Variants in SENP7 observed in about 807,000 individuals in gnomAD.
SENP7 encodes the protein SUMO specific peptidase 7.
SENP7 carries 64 observed loss-of-function variants against 141.2 expected under a neutral mutation model. That is an observed-to-expected ratio of 0.45 (90% CI 0.37 to 0.56). The LOEUF (loss-of-function observed/expected upper bound fraction) is 0.56. Ranked by LOEUF, SENP7 falls within the 20% of genes least tolerant of loss-of-function variation. SENP7 has a pLI of 0.00. For synonymous variants in SENP7, 382 were observed against 426.4 expected (o/e 0.90, Z 1.28); for missense variants, 1,025 against 1,212.2 (o/e 0.85, Z 2.29).
chr3:101,386,518 T>A (rs1242975208), intron 6 of SENP7, among the ~76,000 whole-genome samples: 1 of 152,118 alleles, frequency 6.6e-6, no homozygotes, highest in African/African-American at 2.4e-5. Flanking sequence ...ACAGACGACA[T>A]CATGCCCTGA....
chr3:101,467,619 A>C (rs997814186), intron 3 of SENP7, among the ~76,000 whole-genome samples: 15 of 152,224 alleles, frequency 9.9e-5, no homozygotes, highest in Non-Finnish European at 2.2e-4. Context: ...GAGGGACCTG[A>C]CTGTTAGAAG....
chr3:101,366,452 T>C lies in SENP7; in HGVS notation c.1296A>G (p.Gln432=). The part of the protein sequence containing the change: ...PILRGHNEGN[Q]SLISAEPIVV... ...TACTTGGTTCAGCTGAGATCAGTGA[T>C]TGGTTCCCTTCATTATGTCCTCTTA... is the stretch of plus-strand genomic sequence containing the variant. Residue 432 remains glutamine (Q), a synonymous_variant, in exon 9 of 24, where the codon CAA becomes CAG. Transcript: ENST00000394095. 1.2e-6 allele frequency: 2 copies of C among 1,607,412 alleles called. No homozygotes were observed. The highest frequency in any genetic ancestry group is 2.2e-5 in the East Asian group (1 of 44,812).
intron 13 of SENP7, among the ~76,000 whole-genome samples, chr3:101,345,652 CACAA>C (rs1350782497): frequency 6.6e-6 from 1 of 152,072 alleles, no homozygotes; most frequent in African/African-American, 2.4e-5. Context: ...ACAAAGCAAA[CACAA>C]ACAAAGTGGG....
At chr3:101,512,033 G>A (rs758150988) in intron 1 of SENP7, among the ~76,000 whole-genome samples, 12 of 152,236 alleles carry the variant, frequency 7.9e-5, no homozygotes, top group Non-Finnish European at 1.6e-4. Flanking sequence ...TGTTAGCCAG[G>A]ATGGTCTCGA....
intron 11 of SENP7, chr3:101,357,360 GA>G: frequency 1.4e-6 from 1 of 690,332 alleles, no homozygotes; most frequent in South Asian, 1.5e-5. Flanking sequence ...GAGAACTACA[GA>G]AACCTGTTCT....
At chr3:101,328,783 TA>T in intron 20 of SENP7, 94 bp from the exon 21 acceptor site, 1 of 951,010 alleles carries the variant, frequency 1.1e-6, no homozygotes, top group Non-Finnish European at 1.6e-6. Context: ...ACTTTGAAGT[TA>T]AAATTTCAAG....
chr3:101,457,574 C>A, intron 4 of SENP7: 2 of 1,595,222 alleles, frequency 1.3e-6, no homozygotes, highest in Non-Finnish European at 1.7e-6. Flanking sequence ...TATTGTTTAC[C>A]CCTAACTTCT....
At chr3:101,335,012 G>GA (rs750596154) in intron 17 of SENP7, among the ~76,000 whole-genome samples, 12 of 152,082 alleles carry the variant, frequency 7.9e-5, no homozygotes, top group Non-Finnish European at 1.6e-4. Context: ...GGATAGAGTG[G>GA]AAAATAAGAC....
intron 3 of SENP7, among the ~76,000 whole-genome samples, chr3:101,468,967 C>A (rs1320629445): frequency 6.6e-6 from 1 of 152,110 alleles, no homozygotes; most frequent in African/African-American, 2.4e-5. Flanking sequence ...ATTCAGGAGA[C>A]CCATCTCACA....
At position 101,326,078 on chromosome 3, in the gene SENP7, A is replaced by T; in HGVS notation, c.3018T>A (p.Asp1006Glu). 6.3e-7 allele frequency: 1 copy of T among 1,585,584 alleles called. No homozygotes were observed. Residue 1006 changes from aspartate to glutamate, a missense_variant and splice_region_variant, in exon 24 of 24, where the codon GAT becomes GAA. This residue lies in a region of SENP7 where 295 missense variants were observed against 459.1 expected (regional missense o/e 0.64). Transcript: ENST00000394095. ...TTGGAAGTTCAAAGTTAACAATAGG[A>T]TCCTAATGAGAGGAAAAAAAGAGTG... Reference protein sequence around the residue: ...LLQYVESFFKDPIVNFELPIH... With the variant: ...LLQYVESFFKEPIVNFELPIH...
chr3:101,451,014 T>C (rs1488239391), intron 4 of SENP7, among the ~76,000 whole-genome samples: 1 of 151,642 alleles, frequency 6.6e-6, no homozygotes, highest in Non-Finnish European at 1.5e-5. Flanking sequence ...ATAGACACAA[T>C]AAAAAATCAT....
intron 2 of SENP7, among the ~76,000 whole-genome samples, chr3:101,499,535 A>ATTTTT (rs55855998): frequency 3.4e-4 from 47 of 138,726 alleles, no homozygotes; most frequent in African/African-American, 7.6e-4. Flanking sequence ...TGCCCAGCTA[A>ATTTTT]TTTTTTTTTT....
intron 4 of SENP7, among the ~76,000 whole-genome samples, chr3:101,454,655 TG>T (rs1405225493): frequency 2.0e-5 from 3 of 152,106 alleles, no homozygotes; most frequent in African/African-American, 7.2e-5. Flanking sequence ...ATAAACACAA[TG>T]TGGTATAAAA....
At chr3:101,396,451 T>C (rs1457359958) in intron 6 of SENP7, among the ~76,000 whole-genome samples, 3 of 150,822 alleles carry the variant, frequency 2.0e-5, no homozygotes, top group African/African-American at 4.9e-5. Flanking sequence ...ATCTTTTTCT[T>C]TTTTTTTTGC....
At chr3:101,365,266 G>A (rs1453586956) in intron 9 of SENP7, among the ~76,000 whole-genome samples, 1 of 151,648 alleles carries the variant, frequency 6.6e-6, no homozygotes, top group African/African-American at 2.4e-5. Flanking sequence ...GCCTCCCAAA[G>A]TGCTGGGATT....
chr3:101,426,855 G>C (rs772930661), intron 4 of SENP7, among the ~76,000 whole-genome samples: 23 of 152,072 alleles, frequency 1.5e-4, no homozygotes, highest in Non-Finnish European at 3.1e-4. Flanking sequence ...AAGAGCTCCT[G>C]AAAGAAGCAC....
In SENP7 at chr3:101,366,037, C is replaced by T. The variant is rs1010021323; in HGVS notation, c.1318+393G>A. On this transcript the variant is annotated intron_variant, in intron 9 of 23. Coordinates refer to ENST00000394095, the MANE Select transcript of SENP7 (RefSeq NM_020654.5). ...TAAAACCTTTGGAATTTCTTTGTAC[C>T]ATGTGATGGCATCAACTACTCAGAA... is the stretch of plus-strand genomic sequence containing the variant. 6.8e-4 allele frequency among the ~76,000 whole-genome samples: 104 copies of T among 152,110 alleles called. 2 individuals are homozygous for T. Among genetic ancestry groups the T allele is most frequent in the Non-Finnish European group, 2.6e-4 (18 of 68,016 alleles).
At chr3:101,497,688 C>T (rs1029145529) in intron 2 of SENP7, among the ~76,000 whole-genome samples, 1 of 152,152 alleles carries the variant, frequency 6.6e-6, no homozygotes, top group Admixed American at 6.5e-5. Flanking sequence ...TGAAGCCAAG[C>T]ACAGTGGCTC....
rs138492618 is a variant in SENP7, at chr3:101,326,503, G to A, written c.3016-423C>T. ...AGTACCGTTAAGCATTCTCCAAGCC[G>A]ACTTCTGGTCAAAAACATTCTGCTA... is the stretch of plus-strand genomic sequence containing the variant. On this transcript the variant is annotated intron_variant, in intron 23 of 23. Transcript: ENST00000394095. Among the ~76,000 whole-genome samples, 7 of 152,148 alleles carry A rather than the reference G, an allele frequency of 4.6e-5. No individual in the cohort carries two copies. In the South Asian group the frequency reaches 6.2e-4, roughly 14 times the overall value.
Sources: allele counts gnomAD v4.1 joint callset (sites outside exome capture counted in the v4.1 genomes callset), GRCh38; gene constraint gnomAD v4.1.1; regional missense constraint gnomAD v4.1.1; transcripts MANE v1.5; gene names NCBI Gene and HGNC (gene_info 2026-07-23, HGNC 2026-07-21).